SLC35A3: variants seen among roughly 807,000 people sequenced by gnomAD.
The protein encoded by SLC35A3 is UDP-N-acetylglucosamine transporter.
SLC35A3 carries 26 observed loss-of-function variants against 39.0 expected under a neutral mutation model. The ratio of observed to expected loss-of-function variants is 0.67; its 90% CI spans 0.49 to 0.92. The LOEUF (loss-of-function observed/expected upper bound fraction) is 0.92. Among genes scored for constraint, SLC35A3 ranks in the 40% least tolerant of loss-of-function variants. The pLI is 0.00. For synonymous variants in SLC35A3, 135 were observed against 133.1 expected (o/e 1.01, Z -0.10); for missense variants, 299 against 371.6 (o/e 0.80, Z 1.61).
chr1:100,020,071 G>A (rs960407102), intron 7 of SLC35A3, among the ~76,000 whole-genome samples: 2 of 152,132 alleles, frequency 1.3e-5, no homozygotes, highest in African/African-American at 4.8e-5. Context: ...TCAAGTGATT[G>A]GAAAGACAGA....
In SLC35A3 at chr1:100,024,619, C is replaced by G. The variant is rs1344142233; in HGVS notation, c.*2143C>G. ...CAGTATGAATGAAAAAAATAAAATA[C>G]TTCTTTTTTTTTTTTTTTGAGACAG... On this transcript the variant is annotated 3_prime_UTR_variant, in exon 8 of 8. Transcript: ENST00000533028. 1.1e-5 allele frequency: 3 copies of G among 285,290 alleles called. No homozygotes were observed. The highest frequency in any genetic ancestry group is 5.8e-5 in the East Asian group (1 of 17,338). 17.7% of individuals were successfully genotyped at this position (285,290 alleles called of 1,614,324 possible).
chr1:100,015,710 A>G (rs1020063738), intron 6 of SLC35A3: 7 of 330,688 alleles, frequency 2.1e-5, no homozygotes, highest in African/African-American at 1.5e-4. Flanking sequence ...TTTGATTTTT[A>G]CAAGTCTTAT....
chr1:100,017,618 C>T (rs944376343), intron 6 of SLC35A3, 64 bp from the exon 7 acceptor site: 51 of 1,010,270 alleles, frequency 5.0e-5, no homozygotes, highest in Non-Finnish European at 6.6e-5. Flanking sequence ...TTATTAAATA[C>T]TGAAAGTGTT....
chr1:99,970,314 GA>G, intron 1 of SLC35A3, 152 bp downstream of exon 1: 1 of 518,806 alleles, frequency 1.9e-6, no homozygotes, highest in East Asian at 3.2e-5. Flanking sequence ...TCGAAGACCT[GA>G]AATACAGTGC....
intron 5 of SLC35A3, among the ~76,000 whole-genome samples, chr1:100,012,825 C>T (rs1659760860): frequency 1.3e-5 from 2 of 152,080 alleles, no homozygotes; most frequent in South Asian, 4.1e-4. Context: ...AAACAGAAAA[C>T]ATTTAGAGGG....
intron 1 of SLC35A3, among the ~76,000 whole-genome samples, chr1:99,992,507 A>G (rs1658151966): frequency 6.6e-6 from 1 of 152,142 alleles, no homozygotes; most frequent in South Asian, 2.1e-4. Flanking sequence ...GGGAAAATAT[A>G]GGGATTTTGA....
intron 4 of SLC35A3, 56 bp downstream of exon 4, chr1:100,007,212 T>C: frequency 2.1e-6 from 3 of 1,438,836 alleles, no homozygotes; most frequent in Non-Finnish European, 2.9e-6. Context: ...CAAAACCTTA[T>C]TTATTTTGTG....
intron 1 of SLC35A3, chr1:99,970,569 A>G (rs954785308): frequency 1.3e-6 from 2 of 1,535,996 alleles, no homozygotes; most frequent in Admixed American, 3.9e-5. Flanking sequence ...GCCCTGTGGT[A>G]GGCACAGATG....
intron 1 of SLC35A3, chr1:99,970,591 C>A (rs1220085898): frequency 6.5e-7 from 1 of 1,535,996 alleles, no homozygotes; most frequent in Non-Finnish European, 8.7e-7. Context: ...ACCCGACCAG[C>A]ACCTGGAGCT....
chr1:99,977,550 AGGAGGAAGGGAGGAAGGGAG>A (rs1166430898), intron 1 of SLC35A3, among the ~76,000 whole-genome samples: 3 of 111,836 alleles, frequency 2.7e-5, no homozygotes, highest in African/African-American at 7.0e-5. Context: ...CTCAGAAGGA[AGGAGGAAGGGAGGAAGGGAG>A]GGAGGAAGGG....
rs533381138 is a variant in SLC35A3, at chr1:99,999,122, A to G, written c.188-139A>G. ...CATTTTAAAAATCAGCATCATAAAG[A>G]TATATTTTAGTCCTAAAAGTATCTT... On this transcript the variant is annotated intron_variant, in intron 2 of 7. Transcript: ENST00000533028. The G allele has an allele frequency of 1.8e-3, 810 of 458,890 alleles. 4 individuals are homozygous for G. The highest frequency in any genetic ancestry group is 2.4e-3 in the Non-Finnish European group (621 of 256,882). 28.4% of individuals were successfully genotyped at this position (458,890 alleles called of 1,614,324 possible). A position where few individuals can be genotyped will look rare whatever the true frequency, so the allele number is the denominator to read the frequency against.
chr1:100,030,802 T>G lies in SLC35A3; in HGVS notation c.*8326T>G, dbSNP rs998400112. On this transcript the variant is annotated 3_prime_UTR_variant, in exon 8 of 8. Coordinates refer to ENST00000533028, the MANE Select transcript of SLC35A3 (RefSeq NM_012243.3). ...CTGCTTGGATAGTAAATACAGCATT[T>G]TAAAATGATGATGCTAAGTGCTTTT... 8 of 152,208 alleles carry G rather than the reference T, an allele frequency of 5.3e-5. No individual in the cohort carries two copies. The highest frequency in any genetic ancestry group is 1.9e-4 in the African/African-American group (8 of 41,444). The allele number at this position is 152,208 out of a possible 1,614,324, so 9.4% of individuals were successfully genotyped here.
At chr1:99,972,117 T>C (rs1656850009) in intron 1 of SLC35A3, among the ~76,000 whole-genome samples, 1 of 152,016 alleles carries the variant, frequency 6.6e-6, no homozygotes, top group African/African-American at 2.4e-5. Flanking sequence ...GCCAGGCTGG[T>C]CTTGAACTCC....
In SLC35A3 at chr1:100,034,513, G is replaced by A. The variant is rs1251895122; in HGVS notation, c.*12037G>A. 6.6e-6 allele frequency: 1 copy of A among 152,082 alleles called. No homozygotes were observed. Among genetic ancestry groups the A allele is most frequent in the African/African-American group, 2.4e-5 (1 of 41,410 alleles). 9.4% of individuals were successfully genotyped at this position (152,082 alleles called of 1,614,324 possible). ...GGTAGTATTTTCTATTGATTGAAAA[G>A]TTTTCATTTTCTGTTTTTTATAATA... On this transcript the variant is annotated 3_prime_UTR_variant, in exon 8 of 8. Coordinates refer to ENST00000533028, the MANE Select transcript of SLC35A3 (RefSeq NM_012243.3).
Position 100,022,660 on chromosome 1 carries a change from A to T in SLC35A3, c.*184A>T. On this transcript the variant is annotated 3_prime_UTR_variant, in exon 8 of 8. Coordinates refer to ENST00000533028, the MANE Select transcript of SLC35A3 (RefSeq NM_012243.3). Reference sequence around the variant, plus strand: ...ACAAAACACATTGCATCTAGAAATCAAAACTTGAAAGTATTTCCAGGGATT... The same window carrying T: ...ACAAAACACATTGCATCTAGAAATCTAAACTTGAAAGTATTTCCAGGGATT... The T allele has an allele frequency of 5.1e-6, 2 of 391,404 alleles. No homozygotes were observed. Among genetic ancestry groups the T allele is most frequent in the Non-Finnish European group, 4.6e-6 (1 of 218,806 alleles). The allele number at this position is 391,404 out of a possible 1,614,324, so 24.2% of individuals were successfully genotyped here.
chr1:100,008,971 A>G (rs1659435977), intron 4 of SLC35A3: 1 of 152,228 alleles, frequency 6.6e-6, no homozygotes, highest in African/African-American at 2.4e-5. Context: ...TTGGTTGTCA[A>G]CTGATTTTAT....
intron 1 of SLC35A3, among the ~76,000 whole-genome samples, chr1:99,987,631 G>A (rs1657825724): frequency 6.6e-6 from 1 of 152,106 alleles, no homozygotes; most frequent in Non-Finnish European, 1.5e-5. Context: ...ATGTAGGCAT[G>A]AAATAATGAT....
At chr1:99,989,912 A>C (rs969507441) in intron 1 of SLC35A3, among the ~76,000 whole-genome samples, 2 of 151,862 alleles carry the variant, frequency 1.3e-5, no homozygotes, top group Non-Finnish European at 2.9e-5. Context: ...CCACAGGTGC[A>C]TGCCACCATG....
intron 2 of SLC35A3, among the ~76,000 whole-genome samples, chr1:99,994,996 G>A (rs184324356): frequency 3.3e-5 from 5 of 151,970 alleles, no homozygotes; most frequent in African/African-American, 1.2e-4. Flanking sequence ...TTTTCAAATA[G>A]CCATTCTAAT....
Sources: allele counts gnomAD v4.1 joint callset (sites outside exome capture counted in the v4.1 genomes callset), GRCh38; gene constraint gnomAD v4.1.1; transcripts MANE v1.5; gene names NCBI Gene and HGNC (gene_info 2026-07-23, HGNC 2026-07-21).